The following BMPR1A variants were observed in gnomAD, a reference collection of about 807,000 sequenced individuals.
The protein encoded by BMPR1A is bone morphogenetic protein receptor type 1A, also known as bone morphogenetic protein receptor type-1A.
Under a neutral mutation model 66.0 loss-of-function variants are expected in BMPR1A, and 7 were observed. The observed-to-expected ratio is 0.11, with a 90% confidence interval of 0.06 to 0.20. BMPR1A has a LOEUF of 0.20. Ranked by LOEUF, BMPR1A falls within the 10% of genes least tolerant of loss-of-function variation. The pLI, the probability that BMPR1A is intolerant of heterozygous loss-of-function variation, is 1.00. For synonymous variants in BMPR1A, 200 were observed against 229.7 expected (o/e 0.87, Z 1.17); for missense variants, 408 against 669.1 (o/e 0.61, Z 4.31).
chr10:86,894,471 C>T (rs1469332781), intron 5 of BMPR1A, among the ~76,000 whole-genome samples: 2 of 152,184 alleles, frequency 1.3e-5, no homozygotes, highest in South Asian at 2.1e-4. Context: ...ATTTATCAAG[C>T]ACACATACTA....
At chr10:86,896,569 G>A (rs1589766643) in intron 5 of BMPR1A, among the ~76,000 whole-genome samples, 1 of 152,126 alleles carries the variant, frequency 6.6e-6, no homozygotes, top group South Asian at 2.1e-4. Flanking sequence ...GAGTTCTAGT[G>A]TAAAATTTCT....
chr10:86,876,607 C>T (rs539461458), intron 3 of BMPR1A, among the ~76,000 whole-genome samples: 1 of 152,218 alleles, frequency 6.6e-6, no homozygotes, highest in South Asian at 2.1e-4. Context: ...CATGGCAAAA[C>T]CTCATCTTTA....
chr10:86,884,957 A>G lies in BMPR1A; in HGVS notation c.68-5105A>G, dbSNP rs12570428. ...AACTATAATTTTTTATTGGCCTTCC[A>G]AAAGTGTCATAAAATAAGCCTAATC... On this transcript the variant is annotated intron_variant, in intron 3 of 12. Transcript: ENST00000372037. Among the ~76,000 whole-genome samples, 29 of 152,360 alleles carry G rather than the reference A, an allele frequency of 1.9e-4. No individual in the cohort carries two copies. The East Asian group carries it at 5.2e-3, about 27-fold the overall frequency.
chr10:86,790,922 G>A (rs1841607340), intron 1 of BMPR1A, among the ~76,000 whole-genome samples: 2 of 152,200 alleles, frequency 1.3e-5, no homozygotes, highest in Admixed American at 1.3e-4. Flanking sequence ...CCAAAGTGGT[G>A]ATTCCAAATA....
chr10:86,763,738 A>G (rs1356705991), intron 1 of BMPR1A, among the ~76,000 whole-genome samples: 3 of 151,298 alleles, frequency 2.0e-5, no homozygotes, highest in Non-Finnish European at 4.4e-5. Flanking sequence ...AATGTTGAGA[A>G]GATAGACTCT....
At chr10:86,771,370 A>G (rs376537732) in intron 1 of BMPR1A, among the ~76,000 whole-genome samples, 24 of 152,366 alleles carry the variant, frequency 1.6e-4, no homozygotes, top group East Asian at 5.8e-4. Context: ...AAGAATGTTG[A>G]GCAATAAAAT....
chr10:86,809,800 C>T lies in BMPR1A; in HGVS notation c.-267-29065C>T, dbSNP rs113215749. 8.6e-4 allele frequency among the ~76,000 whole-genome samples: 131 copies of T among 151,880 alleles called. 1 individual carries two copies. The highest frequency in any genetic ancestry group is 2.0e-3 in the Admixed American group (30 of 15,242). On this transcript the variant is annotated intron_variant, in intron 1 of 12. Transcript: ENST00000372037. Reference sequence around the variant, plus strand: ...ACTCTGTAGTATTCCTTCCTTCCTGCCCCTGGTAACCACTATAGTACTTTC... The same window carrying T: ...ACTCTGTAGTATTCCTTCCTTCCTGTCCCTGGTAACCACTATAGTACTTTC...
At chr10:86,859,976 C>T (rs377279683) in intron 2 of BMPR1A, among the ~76,000 whole-genome samples, 30 of 152,126 alleles carry the variant, frequency 2.0e-4, no homozygotes, top group Non-Finnish European at 1.8e-4. Context: ...TATTTATTGC[C>T]GCATTGCTTA....
chr10:86,810,391 A>G (rs1841952304), intron 1 of BMPR1A, among the ~76,000 whole-genome samples: 1 of 152,176 alleles, frequency 6.6e-6, no homozygotes, highest in African/African-American at 2.4e-5. Flanking sequence ...CTATGAGCAT[A>G]TTTGTACAGG....
chr10:86,905,614 T>C (rs935893284), intron 7 of BMPR1A, among the ~76,000 whole-genome samples: 2 of 152,042 alleles, frequency 1.3e-5, no homozygotes, highest in Non-Finnish European at 1.5e-5. Context: ...ACTTACTCAC[T>C]CTTGTTGATG....
rs1484326377 is a variant in BMPR1A at position 86,926,200 on chromosome 10, A to C, written c.*2481A>C. 1 of 161,650 alleles carries C rather than the reference A, an allele frequency of 6.2e-6. No homozygotes were observed. Among genetic ancestry groups the C allele is most frequent in the East Asian group, 1.4e-4 (1 of 7,084 alleles). 10.0% of individuals were successfully genotyped at this position (161,650 alleles called of 1,614,324 possible). The stretch of plus-strand genomic sequence containing the variant: ...TTCTAGTATAACATGTTCTTTAAAA[A>C]GCAAATGCTGCCGTCTTTGGAATCT... On this transcript the variant is annotated 3_prime_UTR_variant, in exon 13 of 13. Coordinates refer to ENST00000372037, the MANE Select transcript of BMPR1A (RefSeq NM_004329.3).
chr10:86,823,586 C>T (rs1842152400), intron 1 of BMPR1A, among the ~76,000 whole-genome samples: 1 of 152,208 alleles, frequency 6.6e-6, no homozygotes, highest in South Asian at 2.1e-4. Context: ...TATGGAAAAG[C>T]ACTATGAGGT....
At chr10:86,922,729 T>G (rs1274202727) in intron 11 of BMPR1A, among the ~76,000 whole-genome samples, 1 of 152,200 alleles carries the variant, frequency 6.6e-6, no homozygotes, top group Admixed American at 6.5e-5. Context: ...ACCCAGAGAT[T>G]TTACTGGAGG....
At chr10:86,779,524 C>A (rs1183959064) in intron 1 of BMPR1A, among the ~76,000 whole-genome samples, 2 of 152,040 alleles carry the variant, frequency 1.3e-5, no homozygotes, top group Non-Finnish European at 2.9e-5. Flanking sequence ...ATTGGCCATT[C>A]TTTTTGATAA....
intron 1 of BMPR1A, among the ~76,000 whole-genome samples, chr10:86,782,532 A>T (rs1841453514): frequency 6.6e-6 from 1 of 151,344 alleles, no homozygotes; most frequent in Non-Finnish European, 1.5e-5. Context: ...TTTTTGATAG[A>T]GGTAATTTTA....
downstream of BMPR1A, chr10:86,930,908 A>G (rs1843801694): frequency 6.6e-6 from 1 of 152,128 alleles, no homozygotes; most frequent in African/African-American, 2.4e-5. Context: ...CACATTCTAA[A>G]CATTATGCAG....
intron 1 of BMPR1A, among the ~76,000 whole-genome samples, chr10:86,757,433 G>C (rs760358532): frequency 6.6e-5 from 10 of 152,162 alleles, no homozygotes; most frequent in Non-Finnish European, 1.5e-4. Context: ...GTCCTGCGCG[G>C]CCTCCGCTCC....
rs201277556 is a variant in BMPR1A, at chr10:86,820,231, TG to T, written c.-267-18630del. On this transcript the variant is annotated intron_variant, in intron 1 of 12. Transcript: ENST00000372037. ...CTGTTTAAAAATTTTTGGGTAGAGA[TG>T]GGGTTTTGCCACGTTGCCATGGCTG... Among the ~76,000 whole-genome samples, 795 of 152,224 alleles carry T rather than the reference TG, an allele frequency of 5.2e-3. 10 individuals carry two copies. Among genetic ancestry groups the T allele is most frequent in the African/African-American group, 0.018 (744 of 41,516 alleles).
chr10:86,902,302 T>A, intron 7 of BMPR1A, among the ~76,000 whole-genome samples: 2 of 152,190 alleles, frequency 1.3e-5, no homozygotes, highest in Non-Finnish European at 2.9e-5. Flanking sequence ...TTCTCTTTGA[T>A]TTATAGAAGC....
Sources: allele counts gnomAD v4.1 joint callset (sites outside exome capture counted in the v4.1 genomes callset), GRCh38; gene constraint gnomAD v4.1.1; transcripts MANE v1.5; gene names NCBI Gene and HGNC (gene_info 2026-07-23, HGNC 2026-07-21).